The following SAMD8 variants were observed in gnomAD, a reference collection of about 807,000 sequenced individuals.
The protein encoded by SAMD8 is sterile alpha motif domain containing 8.
In SAMD8, 20 loss-of-function variants were observed where a neutral mutation model predicts 42.0. The observed-to-expected ratio is 0.48, with a 90% CI of 0.34 to 0.69. The LOEUF is 0.69. Ranked by LOEUF, SAMD8 falls within the 30% of genes least tolerant of loss-of-function variation. The probability of loss-of-function intolerance (pLI) is 0.01; values close to 1 mark genes in which losing one functional copy is unlikely to be tolerated. For missense variants in SAMD8, 328 were observed against 511.6 expected, an observed-to-expected ratio of 0.64 and a Z score of 3.46; for synonymous variants, 162 against 173.0, an observed-to-expected ratio of 0.94 and a Z score of 0.50.
upstream of SAMD8, chr10:75,111,467 G>A (rs984836022): frequency 8.2e-6 from 10 of 1,214,506 alleles, no homozygotes; most frequent in Non-Finnish European, 1.0e-5. Flanking sequence ...CCCCGTCCCC[G>A]GCCGGTAGGG....
At chr10:75,134,893 C>T (rs1849353833) in intron 1 of SAMD8, among the ~76,000 whole-genome samples, 1 of 150,392 alleles carries the variant, frequency 6.6e-6, no homozygotes, top group African/African-American at 2.5e-5. Context: ...CCTGTCTCTA[C>T]AAAAAAGTAA....
At chr10:75,104,253 G>C (rs1429472743) in intron 1 of SAMD8, among the ~76,000 whole-genome samples, 1 of 152,194 alleles carries the variant, frequency 6.6e-6, no homozygotes, top group East Asian at 1.9e-4. Context: ...GGAGAGATGA[G>C]GAGGTAGATT....
chr10:75,120,482 G>C (rs978048876), intron 1 of SAMD8, among the ~76,000 whole-genome samples: 10 of 151,850 alleles, frequency 6.6e-5, no homozygotes, highest in African/African-American at 2.4e-4. Flanking sequence ...TGTTAGCCAG[G>C]ATGGTCTCTA....
At chr10:75,111,883 G>A (rs1052165073) in intron 1 of SAMD8, 161 bp downstream of exon 1, 48 of 900,004 alleles carry the variant, frequency 5.3e-5, no homozygotes, top group Non-Finnish European at 6.4e-5. Flanking sequence ...CTCTGGAATG[G>A]AATCTGAAGC....
chr10:75,168,770 A>G, intron 4 of SAMD8, 112 bp downstream of exon 4: 1 of 660,142 alleles, frequency 1.5e-6, no homozygotes, highest in Non-Finnish European at 2.7e-6. Context: ...TAGTATCTGC[A>G]ATGTCTATAA....
chr10:75,142,078 C>T (rs1193434828), intron 1 of SAMD8, among the ~76,000 whole-genome samples: 1 of 151,798 alleles, frequency 6.6e-6, no homozygotes, highest in Non-Finnish European at 1.5e-5. Flanking sequence ...CTTCTGAGTA[C>T]CTGGGATTGC....
chr10:75,164,824 T>G, intron 3 of SAMD8, 84 bp downstream of exon 3: 1 of 1,017,780 alleles, frequency 9.8e-7, no homozygotes, highest in Non-Finnish European at 1.5e-6. Flanking sequence ...TCTTTGCAGT[T>G]TCCTTGTTAA....
chr10:75,144,987 T>TA (rs1347999409), intron 1 of SAMD8, among the ~76,000 whole-genome samples: 1 of 152,246 alleles, frequency 6.6e-6, no homozygotes, highest in African/African-American at 2.4e-5. Context: ...TTATTGCTCT[T>TA]ACCTTCTGCA....
chr10:75,148,622 G>A (rs547164067), intron 1 of SAMD8, among the ~76,000 whole-genome samples: 31 of 152,182 alleles, frequency 2.0e-4, no homozygotes, highest in South Asian at 1.2e-3. Context: ...CAAAGTGCTG[G>A]GATTACAGGC....
At chr10:75,113,235 G>A (rs1848812937) in intron 1 of SAMD8, among the ~76,000 whole-genome samples, 1 of 152,166 alleles carries the variant, frequency 6.6e-6, no homozygotes, top group Admixed American at 6.6e-5. Context: ...GAGATAAATT[G>A]ACTTCCTTTT....
intron 2 of SAMD8, among the ~76,000 whole-genome samples, chr10:75,155,102 G>A (rs967742875): frequency 1.3e-5 from 2 of 152,004 alleles, no homozygotes; most frequent in Admixed American, 1.3e-4. Flanking sequence ...ATGTTGCCTA[G>A]GCTGGTCTCA....
At chr10:75,132,347 G>A (rs1849291975) in intron 1 of SAMD8, among the ~76,000 whole-genome samples, 1 of 152,182 alleles carries the variant, frequency 6.6e-6, no homozygotes, top group Non-Finnish European at 1.5e-5. Context: ...TAATGCTTGA[G>A]CATTCTTTTT....
intron 1 of SAMD8, among the ~76,000 whole-genome samples, chr10:75,148,440 G>A (rs1218027292): frequency 7.1e-6 from 1 of 141,064 alleles, no homozygotes; most frequent in African/African-American, 2.7e-5. Context: ...TGCAAGCTCT[G>A]CCTCCCAGGT....
intron 1 of SAMD8, among the ~76,000 whole-genome samples, chr10:75,126,238 A>G (rs1054652101): frequency 9.2e-5 from 14 of 152,244 alleles, no homozygotes; most frequent in Non-Finnish European, 1.8e-4. Context: ...CCAACTGGAA[A>G]TAACTTCTCT....
chr10:75,129,545 C>T (rs1263253928), intron 1 of SAMD8, among the ~76,000 whole-genome samples: 1 of 152,072 alleles, frequency 6.6e-6, no homozygotes, highest in African/African-American at 2.4e-5. Context: ...GCCTGGACTT[C>T]TTTAAAGTTA....
chr10:75,111,786 G>A lies in SAMD8; in HGVS notation c.-16+64G>A, dbSNP rs918654176. On this transcript the variant is annotated intron_variant, in intron 1 of 5. Coordinates refer to ENST00000542569, the MANE Select transcript of SAMD8 (RefSeq NM_001174156.2). ...GGGCGCCTGCTGCCAAGGGTGAGTGGGGAGTCTGGGATGGAGCCGGGGGCT... is the reference window on the plus strand; with the variant it reads ...GGGCGCCTGCTGCCAAGGGTGAGTGAGGAGTCTGGGATGGAGCCGGGGGCT... 9 of 1,231,870 alleles carry A rather than the reference G, an allele frequency of 7.3e-6. No homozygotes were observed. In the African/African-American group the frequency reaches 1.4e-4, roughly 19 times the overall value. The allele number at this position is 1,231,870 out of a possible 1,614,324, so 76.3% of individuals were successfully genotyped here. A position where few individuals can be genotyped will look rare whatever the true frequency, so the allele number is the denominator to read the frequency against.
At chr10:75,141,479 TAATC>T (rs755783755) in intron 1 of SAMD8, among the ~76,000 whole-genome samples, 1 of 151,994 alleles carries the variant, frequency 6.6e-6, no homozygotes, top group African/African-American at 2.4e-5. Context: ...TCAACATAAA[TAATC>T]AAGTTGTCAG....
At chr10:75,158,155 G>A (rs1348232925) in intron 2 of SAMD8, among the ~76,000 whole-genome samples, 1 of 146,870 alleles carries the variant, frequency 6.8e-6, no homozygotes, top group Non-Finnish European at 1.5e-5. Flanking sequence ...GCAAAACTCT[G>A]TCTCAAAAAA....
intron 1 of SAMD8, among the ~76,000 whole-genome samples, chr10:75,115,530 C>T (rs1486169018): frequency 6.6e-6 from 1 of 152,208 alleles, no homozygotes; most frequent in African/African-American, 2.4e-5. Context: ...CCTGAACCCC[C>T]TCCTCCCATA....
Sources: gnomAD v4.1 joint callset for allele counts (sites outside exome capture counted in the v4.1 genomes callset) on GRCh38, gnomAD v4.1.1 for gene constraint, MANE v1.5 for transcripts, NCBI Gene and HGNC (gene_info 2026-07-23, HGNC 2026-07-21) for gene names.